Variants in MKLN1 observed in about 807,000 individuals in gnomAD.
The protein encoded by MKLN1 is muskelin 1.
In MKLN1, 18 loss-of-function variants were observed where a neutral mutation model predicts 99.0. The ratio of observed to expected loss-of-function variants is 0.18; its 90% CI spans 0.13 to 0.27. The LOEUF (loss-of-function observed/expected upper bound fraction) is 0.27, where lower values mean the gene tolerates loss of function less well. MKLN1 is among the 10% of genes least tolerant of loss of function. The probability of loss-of-function intolerance (pLI) is 1.00; values close to 1 mark genes in which losing one functional copy is unlikely to be tolerated. For synonymous variants in MKLN1, 288 were observed against 293.2 expected, an observed-to-expected ratio of 0.98 and a Z score of 0.18; for missense variants, 621 against 875.9, an observed-to-expected ratio of 0.71 and a Z score of 3.67.
intron 1 of MKLN1, among the ~76,000 whole-genome samples, chr7:131,112,742 A>G (rs1275774434): frequency 2.0e-5 from 3 of 152,202 alleles, no homozygotes; most frequent in Non-Finnish European, 4.4e-5. Flanking sequence ...AAGTACTCTG[A>G]TGATCAAAGT....
upstream of MKLN1, among the ~76,000 whole-genome samples, chr7:131,325,262 T>C (rs1268012177): frequency 6.6e-6 from 1 of 152,038 alleles, no homozygotes; most frequent in East Asian, 1.9e-4. Flanking sequence ...TAAAATATAT[T>C]GTGATGTGTG....
At chr7:131,180,264 T>C (rs1796359764) in intron 2 of MKLN1, among the ~76,000 whole-genome samples, 1 of 152,224 alleles carries the variant, frequency 6.6e-6, no homozygotes, top group Admixed American at 6.5e-5. Context: ...TACCTTCCCC[T>C]TCACGCTACA....
At chr7:131,227,558 C>A (rs1330726912) in intron 3 of MKLN1, among the ~76,000 whole-genome samples, 1 of 79,230 alleles carries the variant, frequency 1.3e-5, no homozygotes, top group Non-Finnish European at 2.8e-5. Flanking sequence ...TTCCTTCCTT[C>A]CTTCCCTCTT....
Position 131,466,369 on chromosome 7 carries a change from A to G in MKLN1, c.1882A>G (p.Lys628Glu), listed in dbSNP as rs200309843. The G allele has an allele frequency of 1.5e-4, 245 of 1,603,032 alleles. 1 individual carries two copies. The highest frequency in any genetic ancestry group is 2.0e-5 in the Non-Finnish European group (24 of 1,172,820). Residue 628 changes from lysine to glutamate, a missense_variant, in exon 15 of 18, where the codon AAA (lysine) becomes GAA (glutamate). By Grantham distance (56) the Lys-to-Glu change is moderately conservative. Coordinates refer to ENST00000352689, the MANE Select transcript of MKLN1 (RefSeq NM_013255.5). ...GTCACTGAAGTTGTGTAGACCTTCA[A>G]AAGATTATTTACTGAGGCATTGCAA... ...FWSLKLCRPS[K>E]DYLLRHCKYL... is the part of the protein sequence containing the mutation.
At chr7:131,328,174 A>G (rs1798948873) in intron 1 of MKLN1, 177 bp downstream of exon 1, 4 of 771,024 alleles carry the variant, frequency 5.2e-6, no homozygotes, top group Admixed American at 2.9e-5. Context: ...TCGCTCGGGA[A>G]GGGGTTAGGG....
chr7:131,127,926 T>C (rs971957118), intron 1 of MKLN1, among the ~76,000 whole-genome samples: 151 of 152,130 alleles, frequency 9.9e-4, no homozygotes, highest in African/African-American at 3.4e-3. Flanking sequence ...ATTTAAAAAA[T>C]GACAAGGAAT....
At chr7:131,263,749 T>C (rs186968504) in intron 3 of MKLN1, among the ~76,000 whole-genome samples, 6 of 152,012 alleles carry the variant, frequency 3.9e-5, no homozygotes, top group Non-Finnish European at 7.4e-5. Context: ...TTTGTATTTT[T>C]AGTAGAGACA....
chr7:131,249,128 T>C (rs1393237601), intron 3 of MKLN1, among the ~76,000 whole-genome samples: 3 of 152,184 alleles, frequency 2.0e-5, no homozygotes, highest in Non-Finnish European at 4.4e-5. Context: ...GAAAGGAATC[T>C]TCCCTGGGCA....
chr7:131,455,389 C>T (rs1011346462), intron 12 of MKLN1, among the ~76,000 whole-genome samples: 8 of 152,056 alleles, frequency 5.3e-5, no homozygotes, highest in African/African-American at 1.7e-4. Context: ...TTTACTTCCC[C>T]TTTAGCTGTT....
chr7:131,224,976 G>A (rs1166626394), intron 3 of MKLN1, among the ~76,000 whole-genome samples: 2 of 152,046 alleles, frequency 1.3e-5, no homozygotes, highest in African/African-American at 2.4e-5. Context: ...GGGAGGCTGA[G>A]GCAGGAGAAT....
intron 15 of MKLN1, among the ~76,000 whole-genome samples, chr7:131,468,705 C>G (rs895365405): frequency 1.3e-5 from 2 of 152,098 alleles, no homozygotes; most frequent in African/African-American, 4.8e-5. Flanking sequence ...AATTTAGGAA[C>G]AGGGCAGAAC....
chr7:131,437,776 T>A lies in MKLN1; in HGVS notation c.961-9T>A, dbSNP rs933334154. On this transcript the variant is annotated splice_polypyrimidine_tract_variant and intron_variant, in intron 9 of 17. Transcript: ENST00000352689. Reference sequence around the variant, plus strand: ...TGTTTATTTATTTATTTTCTCTCTCTCTCTACAGAATGGTCCTAGTGCCAG... The same window carrying A: ...TGTTTATTTATTTATTTTCTCTCTCACTCTACAGAATGGTCCTAGTGCCAG... 3.1e-6 allele frequency: 5 copies of A among 1,591,360 alleles called. No homozygotes were observed. The highest frequency in any genetic ancestry group is 4.3e-6 in the Non-Finnish European group (5 of 1,160,266).
chr7:131,408,282 CT>C (rs1267944037), intron 6 of MKLN1, among the ~76,000 whole-genome samples: 1 of 151,964 alleles, frequency 6.6e-6, no homozygotes, highest in Admixed American at 6.6e-5. Flanking sequence ...TAATATTGCC[CT>C]TTTTTTCAGA....
chr7:131,349,731 G>T (rs1012089583), intron 1 of MKLN1, among the ~76,000 whole-genome samples: 8 of 152,196 alleles, frequency 5.3e-5, no homozygotes, highest in African/African-American at 1.9e-4. Context: ...TTTTATATGA[G>T]TGTCTCAGCA....
chr7:131,201,161 A>G (rs190093739), intron 2 of MKLN1, among the ~76,000 whole-genome samples: 2 of 152,268 alleles, frequency 1.3e-5, no homozygotes, highest in Admixed American at 6.5e-5. Context: ...CTGGGATTAC[A>G]GGCACCCACC....
chr7:131,202,572 T>G (rs754387459), intron 2 of MKLN1, among the ~76,000 whole-genome samples: 24 of 152,132 alleles, frequency 1.6e-4, no homozygotes, highest in Admixed American at 2.6e-4. Context: ...AGATCATTCT[T>G]TGTTCTGGGG....
Position 131,227,713 on chromosome 7 carries a change from G to A in MKLN1, c.-179+24739G>A, listed in dbSNP as rs181107579. On this transcript the variant is annotated intron_variant, in intron 3 of 7. Coordinates refer to the MKLN1 transcript ENST00000416992. Reference sequence around the variant, plus strand: ...CTGGAGTAGCTGGGATCACAGGAACGTACCACCATGCATGGCTAACTTTCA... The same window carrying A: ...CTGGAGTAGCTGGGATCACAGGAACATACCACCATGCATGGCTAACTTTCA... Among the ~76,000 whole-genome samples the A allele has an allele frequency of 1.7e-4, 26 of 151,812 alleles. No homozygotes were observed. In the East Asian group the frequency reaches 1.7e-3, roughly 10 times the overall value.
chr7:131,345,736 TAC>T (rs1563303409), intron 1 of MKLN1, among the ~76,000 whole-genome samples: 1 of 152,056 alleles, frequency 6.6e-6, no homozygotes, highest in African/African-American at 2.4e-5. Flanking sequence ...TAAAAATAAG[TAC>T]AGAGTTGATG....
rs758296974 is a variant in MKLN1 at position 131,478,586 on chromosome 7, T to TTGC, written c.2032-32_2032-30dup. 85 of 1,478,924 alleles carry TTGC rather than the reference T, an allele frequency of 5.7e-5. No homozygotes were observed. The African/African-American group carries it at 6.9e-4, about 12-fold the overall frequency. The allele number at this position is 1,478,924 out of a possible 1,614,324, so 91.6% of individuals were successfully genotyped here. On this transcript the variant is annotated intron_variant, in intron 16 of 17. Coordinates refer to ENST00000352689, the MANE Select transcript of MKLN1 (RefSeq NM_013255.5). ...CCTTCAGTGCACTTAGCCAGCTAAT[T>TTGC]TGCTGCTTCTTTTTTTTTTTTTTTT...
Sources: allele counts gnomAD v4.1 joint callset (sites outside exome capture counted in the v4.1 genomes callset), GRCh38; gene constraint gnomAD v4.1.1; transcripts MANE v1.5; gene names NCBI Gene and HGNC (gene_info 2026-07-23, HGNC 2026-07-21).